Variants in ANKLE2 observed in about 807,000 individuals in gnomAD.
ANKLE2 encodes ankyrin repeat and LEM domain-containing protein 2.
Under a neutral mutation model 84.2 loss-of-function variants are expected in ANKLE2, and 55 were observed. That is an observed-to-expected ratio of 0.65 (90% CI 0.53 to 0.82). ANKLE2 has a LOEUF of 0.82. Ranked by LOEUF, ANKLE2 falls within the 40% of genes least tolerant of loss-of-function variation. The probability of loss-of-function intolerance (pLI) is 0.00; values close to 1 mark genes in which losing one functional copy is unlikely to be tolerated. For missense variants in ANKLE2, 1,238 were observed against 1,201.9 expected, an observed-to-expected ratio of 1.03 and a Z score of -0.44; for synonymous variants, 551 against 486.1, an observed-to-expected ratio of 1.13 and a Z score of -1.76.
At position 132,750,940 on chromosome 12, in the gene ANKLE2, C is replaced by T. The variant is rs1259271287; in HGVS notation, c.641-91G>A. The T allele has an allele frequency of 2.6e-6, 3 of 1,149,654 alleles. No homozygotes were observed. The African/African-American group carries it at 4.6e-5, about 18-fold the overall frequency. 71.2% of individuals were successfully genotyped at this position (1,149,654 alleles called of 1,614,324 possible). On this transcript the variant is annotated intron_variant, in intron 2 of 12. Transcript: ENST00000357997. The stretch of plus-strand genomic sequence containing the variant: ...CCCTGGGCCTAACCATCAGCTTCCA[C>T]ATCTGCTACCCAGTCGCCTGGCTTA...
chr12:132,750,995 G>A, intron 2 of ANKLE2, 146 bp from the exon 3 acceptor site: 1 of 652,034 alleles, frequency 1.5e-6, no homozygotes, highest in Non-Finnish European at 2.6e-6. Flanking sequence ...AAGAAAAAGG[G>A]CCTAAGCTAG....
chr12:132,760,300 G>A (rs2044599059), intron 1 of ANKLE2: 1 of 152,180 alleles, frequency 6.6e-6, no homozygotes, highest in Admixed American at 6.6e-5. Flanking sequence ...ACATGCTTCG[G>A]ACACCAGGTA....
At position 132,759,162 on chromosome 12, in the gene ANKLE2, TGCGGA is replaced by T. The variant is rs1566041995; in HGVS notation, c.181+2451_181+2455del. ...GCACCCACGTGGCAGAGAGGATCGC[TGCGGA>T]GTGGCACCCCGGGGCACCCACGTGG... On this transcript the variant is annotated intron_variant, in intron 1 of 12. Transcript: ENST00000357997. The T allele has an allele frequency of 6.8e-4, 15 of 21,908 alleles. 3 individuals carry two copies. Among genetic ancestry groups the T allele is most frequent in the African/African-American group, 1.8e-3 (13 of 7,314 alleles). 1.4% of individuals were successfully genotyped at this position (21,908 alleles called of 1,614,324 possible). A position where few individuals can be genotyped will look rare whatever the true frequency, so the allele number is the denominator to read the frequency against.
At chr12:132,727,525 G>A (rs182540726) in intron 12 of ANKLE2, 82 bp from the exon 13 acceptor site, 1 of 1,211,062 alleles carries the variant, frequency 8.3e-7, no homozygotes, top group East Asian at 4.0e-5. Flanking sequence ...AATGGCCCCA[G>A]ACTCAGGCAC....
chr12:132,728,311 G>A, intron 11 of ANKLE2, 148 bp from the exon 12 acceptor site: 1 of 923,800 alleles, frequency 1.1e-6, no homozygotes, highest in Non-Finnish European at 1.6e-6. Context: ...CTCATCGCAA[G>A]CTCCGCCTCC....
intron 2 of ANKLE2, among the ~76,000 whole-genome samples, chr12:132,752,659 G>T (rs976677540): frequency 1.3e-5 from 2 of 151,982 alleles, no homozygotes; most frequent in African/African-American, 4.8e-5. Flanking sequence ...GTGAGCCACC[G>T]CGCCCGGCCC....
intron 3 of ANKLE2, among the ~76,000 whole-genome samples, chr12:132,750,408 A>C (rs1348363272): frequency 6.6e-6 from 1 of 151,984 alleles, no homozygotes; most frequent in African/African-American, 2.4e-5. Context: ...AAAAGAAAAA[A>C]ATCCAACAGA....
At chr12:132,728,229 C>A in intron 11 of ANKLE2, 66 bp from the exon 12 acceptor site, 1 of 1,574,682 alleles carries the variant, frequency 6.4e-7, no homozygotes, top group Non-Finnish European at 8.6e-7. Flanking sequence ...TAAAATACCA[C>A]TACTTTTTTT....
chr12:132,742,717 T>TCACTACCATCATCCTCACTAC (rs2044150501), intron 6 of ANKLE2, among the ~76,000 whole-genome samples: 1 of 498 alleles, frequency 2.0e-3, no homozygotes, highest in Non-Finnish European at 3.7e-3. Context: ...GTCACCATCA[T>TCACTACCATCATCCTCACTAC]CACCACCACT....
intron 9 of ANKLE2, 61 bp from the exon 10 acceptor site, chr12:132,734,636 C>T (rs1593146934): frequency 1.0e-5 from 15 of 1,500,172 alleles, no homozygotes; most frequent in Admixed American, 2.3e-5. Flanking sequence ...CAGAACTACA[C>T]AGAAAAAAGC....
intron 11 of ANKLE2, among the ~76,000 whole-genome samples, chr12:132,728,885 T>A (rs1304415082): frequency 6.6e-6 from 1 of 152,170 alleles, no homozygotes; most frequent in Non-Finnish European, 1.5e-5. Flanking sequence ...CAAGATGGCT[T>A]TTCTTCCTAG....
chr12:132,751,750 C>G (rs2044361611), intron 2 of ANKLE2, among the ~76,000 whole-genome samples: 1 of 152,044 alleles, frequency 6.6e-6, no homozygotes, highest in Admixed American at 6.6e-5. Context: ...ACCATGTTGG[C>G]CAGGCTAGTC....
chr12:132,739,241 C>G (rs534133594), intron 7 of ANKLE2, among the ~76,000 whole-genome samples: 1 of 152,126 alleles, frequency 6.6e-6, no homozygotes, highest in Non-Finnish European at 1.5e-5. Context: ...TGCACACTTA[C>G]CCCTGAACCT....
chr12:132,754,659 C>A lies in ANKLE2; in HGVS notation c.640+16G>T, dbSNP rs58937780. The A allele has an allele frequency of 1.3e-6, 2 of 1,581,932 alleles. No individual in the cohort carries two copies. The highest frequency in any genetic ancestry group is 1.7e-6 in the Non-Finnish European group (2 of 1,162,190). On this transcript the variant is annotated intron_variant, in intron 2 of 12. Transcript: ENST00000357997. ...GTGCTATCTGTGTGAGGAAATCCTA[C>A]ACACGGTCCCATTACCATTTCTCGC...
intron 11 of ANKLE2, 73 bp downstream of exon 11, chr12:132,729,606 G>A (rs868784225): frequency 3.6e-6 from 1 of 275,946 alleles, no homozygotes; most frequent in Non-Finnish European, 6.7e-6. Flanking sequence ...AAGGGGAGGG[G>A]GAGGTGAGGG....
At chr12:132,751,147 TAAAAGGC>T (rs1458354261) in intron 2 of ANKLE2, 4 of 228,468 alleles carry the variant, frequency 1.8e-5, no homozygotes, top group African/African-American at 9.1e-5. Context: ...TAAAAATTAT[TAAAAGGC>T]AAATTAAAAA....
At chr12:132,727,691 T>TGGAGGAGATGCACTGCTGAACC (rs2043737087) in intron 12 of ANKLE2, among the ~76,000 whole-genome samples, 2 of 54,062 alleles carry the variant, frequency 3.7e-5, no homozygotes, top group Admixed American at 2.1e-4. Context: ...GGCACATGCG[T>TGGAGGAGATGCACTGCTGAACC]CTGGGTGGAG....
chr12:132,734,632 T>G, intron 9 of ANKLE2, 57 bp from the exon 10 acceptor site: 1 of 1,517,990 alleles, frequency 6.6e-7, no homozygotes, highest in Non-Finnish European at 8.9e-7. Flanking sequence ...TACTCAGAAC[T>G]ACACAGAAAA....
Position 132,729,864 on chromosome 12 carries a change from T to C in ANKLE2, c.2298A>G (p.Arg766=), listed in dbSNP as rs1217042837. 6.2e-7 allele frequency: 1 copy of C among 1,613,640 alleles called. No homozygotes were observed. Among genetic ancestry groups the C allele is most frequent in the Admixed American group, 1.7e-5 (1 of 59,996 alleles). ...ACAAGTCTCTTTCTACTGCATTGAT[T>C]CTTGAAGTCAGGATCTGATCTTTAG... ...TKTKDQILTS[R]INAVERDLLE... Residue 766 remains arginine (R), a synonymous_variant, in exon 11 of 13, where the codon AGA becomes AGG. Transcript: ENST00000357997.
Sources: allele counts gnomAD v4.1 joint callset (sites outside exome capture counted in the v4.1 genomes callset), GRCh38; gene constraint gnomAD v4.1.1; transcripts MANE v1.5; gene names NCBI Gene and HGNC (gene_info 2026-07-23, HGNC 2026-07-21).